Variants in RALYL observed in about 807,000 individuals in gnomAD.
RALYL encodes RNA-binding Raly-like protein.
In RALYL, 29 loss-of-function variants were observed where a neutral mutation model predicts 35.1. That is an observed-to-expected ratio of 0.83 (90% CI 0.61 to 1.13). The LOEUF (loss-of-function observed/expected upper bound fraction) is 1.13, where lower values mean the gene tolerates loss of function less well. Ranked by LOEUF, RALYL falls within the 50% of genes most tolerant of loss-of-function variation. The pLI, the probability that RALYL is intolerant of heterozygous loss-of-function variation, is 0.00. For synonymous variants in RALYL, 120 were observed against 127.6 expected (o/e 0.94, Z 0.40); for missense variants, 359 against 360.4 (o/e 1.00, Z 0.03).
chr8:84,252,018 T>A (rs1388412), intron 1 of RALYL, among the ~76,000 whole-genome samples: 69,034 of 151,750 alleles, frequency 0.45, 15,904 homozygotes, highest in East Asian at 0.53. Flanking sequence ...TAATGTATAT[T>A]AAATGGGGGA....
intron 1 of RALYL, among the ~76,000 whole-genome samples, chr8:84,502,222 G>T (rs1401366651): frequency 6.6e-6 from 1 of 151,904 alleles, no homozygotes; most frequent in African/African-American, 2.4e-5. Context: ...TTACATATAT[G>T]TGTGTGTATA....
intron 2 of RALYL, among the ~76,000 whole-genome samples, chr8:84,728,214 C>T (rs995994359): frequency 9.3e-4 from 141 of 152,030 alleles, no homozygotes; most frequent in African/African-American, 3.1e-3. Context: ...TTGCATTTCT[C>T]TGATGGCCAG....
chr8:84,198,821 A>G (rs1048374121), intron 1 of RALYL, among the ~76,000 whole-genome samples: 2 of 152,316 alleles, frequency 1.3e-5, no homozygotes, highest in African/African-American at 2.4e-5. Context: ...TGCAAATGAC[A>G]GGAACTCATT....
At chr8:84,725,820 CAATG>C (rs910886668) in intron 2 of RALYL, among the ~76,000 whole-genome samples, 4 of 151,450 alleles carry the variant, frequency 2.6e-5, no homozygotes, top group African/African-American at 9.7e-5. Flanking sequence ...TTTAGTTGAC[CAATG>C]ACCCACATAA....
chr8:84,292,593 G>A (rs1359501075), intron 1 of RALYL, among the ~76,000 whole-genome samples: 1 of 152,100 alleles, frequency 6.6e-6, no homozygotes, highest in Non-Finnish European at 1.5e-5. Flanking sequence ...GATAAAACAA[G>A]TTGCAGTAAA....
chr8:84,552,208 G>A (rs892392011), intron 2 of RALYL, among the ~76,000 whole-genome samples: 2 of 150,572 alleles, frequency 1.3e-5, no homozygotes, highest in East Asian at 3.9e-4. Context: ...GTGCAGAACT[G>A]GGAGAACTGT....
chr8:84,743,357 T>G (rs990088510), intron 2 of RALYL, among the ~76,000 whole-genome samples: 5 of 151,790 alleles, frequency 3.3e-5, no homozygotes, highest in Non-Finnish European at 7.4e-5. Context: ...GGGATCACAG[T>G]GATTATCAGG....
chr8:84,241,634 C>G (rs367938081), intron 1 of RALYL, among the ~76,000 whole-genome samples: 1 of 151,776 alleles, frequency 6.6e-6, no homozygotes, highest in Admixed American at 6.6e-5. Context: ...AAAAACTAGC[C>G]GGGCTTGGGG....
chr8:84,284,853 T>C (rs1390877345), intron 1 of RALYL, among the ~76,000 whole-genome samples: 1 of 152,214 alleles, frequency 6.6e-6, no homozygotes, highest in Non-Finnish European at 1.5e-5. Flanking sequence ...TGAATTATAT[T>C]AATTACAGTG....
chr8:84,492,429 T>C (rs2086254114), intron 1 of RALYL, among the ~76,000 whole-genome samples: 1 of 152,084 alleles, frequency 6.6e-6, no homozygotes, highest in African/African-American at 2.4e-5. Context: ...ACTAAAAAGA[T>C]CTCAATAAAT....
chr8:84,494,893 T>G (rs1399891166), intron 1 of RALYL, among the ~76,000 whole-genome samples: 1 of 152,138 alleles, frequency 6.6e-6, no homozygotes, highest in African/African-American at 2.4e-5. Flanking sequence ...CTTTATTTCT[T>G]TCTCTTGACT....
At chr8:84,488,830 GAT>G (rs1337648884) in intron 1 of RALYL, among the ~76,000 whole-genome samples, 2 of 151,814 alleles carry the variant, frequency 1.3e-5, no homozygotes, top group Admixed American at 6.6e-5. Flanking sequence ...TACCTCATAA[GAT>G]ATATTTTAAG....
chr8:84,723,179 A>G (rs978174314), intron 2 of RALYL, among the ~76,000 whole-genome samples: 1 of 152,054 alleles, frequency 6.6e-6, no homozygotes, highest in Non-Finnish European at 1.5e-5. Context: ...ACCATGAAAG[A>G]ACCGAAGAAT....
intron 1 of RALYL, among the ~76,000 whole-genome samples, chr8:84,244,520 C>G (rs1244500421): frequency 6.6e-6 from 1 of 152,140 alleles, no homozygotes; most frequent in African/African-American, 2.4e-5. Flanking sequence ...CACTTTATGT[C>G]ACATTTCTTT....
intron 7 of RALYL, among the ~76,000 whole-genome samples, chr8:84,884,521 A>G (rs2135394664): frequency 6.6e-6 from 1 of 151,716 alleles, no homozygotes. Flanking sequence ...ACACACATAT[A>G]CACACACATA....
At chr8:84,440,845 A>G (rs1275184098) in intron 1 of RALYL, among the ~76,000 whole-genome samples, 1 of 152,058 alleles carries the variant, frequency 6.6e-6, no homozygotes, top group Non-Finnish European at 1.5e-5. Context: ...AAAAGTTTTT[A>G]GGTGAACATA....
At chr8:84,710,604 A>T (rs1842023851) in intron 2 of RALYL, among the ~76,000 whole-genome samples, 1 of 149,742 alleles carries the variant, frequency 6.7e-6, no homozygotes, top group South Asian at 2.1e-4. Flanking sequence ...ACTCGGCCTC[A>T]GTTCATATAT....
At chr8:84,425,329 C>T (rs1230121806) in intron 1 of RALYL, among the ~76,000 whole-genome samples, 1 of 152,132 alleles carries the variant, frequency 6.6e-6, no homozygotes, top group Non-Finnish European at 1.5e-5. Context: ...GCGTCCGTCA[C>T]CCCTTTCTTT....
At chr8:84,380,695 G>A (rs116586900) in intron 1 of RALYL, among the ~76,000 whole-genome samples, 209 of 152,000 alleles carry the variant, frequency 1.4e-3, no homozygotes, top group African/African-American at 4.5e-3. Flanking sequence ...TTATTGAAAG[G>A]CTACTTAAAA....
Sources: gnomAD v4.1 joint callset for allele counts (sites outside exome capture counted in the v4.1 genomes callset) on GRCh38, gnomAD v4.1.1 for gene constraint, MANE v1.5 for transcripts, NCBI Gene and HGNC (gene_info 2026-07-23, HGNC 2026-07-21) for gene names.